Variants in PTCHD1 observed in about 807,000 individuals in gnomAD.
The protein encoded by PTCHD1 is patched domain containing 1, also known as patched domain-containing protein 1.
Under a neutral mutation model 34.6 loss-of-function variants are expected in PTCHD1, and 3 were observed. The observed-to-expected ratio is 0.09, with a 90% CI of 0.04 to 0.22. The LOEUF (loss-of-function observed/expected upper bound fraction) is 0.22, where lower values mean the gene tolerates loss of function less well. Ranked by LOEUF, PTCHD1 falls within the 10% of genes least tolerant of loss-of-function variation. The pLI, the probability that PTCHD1 is intolerant of heterozygous loss-of-function variation, is 1.00. For missense variants in PTCHD1, 504 were observed against 685.5 expected (o/e 0.74, Z 2.96); for synonymous variants, 305 against 283.1 (o/e 1.08, Z -0.77).
chrX:23,373,707 A>G (rs1376812031), intron 1 of PTCHD1, among the ~76,000 whole-genome samples: 2 of 111,972 alleles, frequency 1.8e-5, no homozygotes, highest in Non-Finnish European at 3.8e-5. Context: ...TAATTTATGA[A>G]CTGCTGCAGC....
rs1330285615 is a variant in PTCHD1, at chrX:23,401,938, A to T, written c.*7753A>T. 2 of 112,850 alleles carry T rather than the reference A, an allele frequency of 1.8e-5. No homozygotes were observed. The highest frequency in any genetic ancestry group is 6.4e-5 in the African/African-American group (2 of 31,036). 9.3% of individuals were successfully genotyped at this position (112,850 alleles called of 1,213,427 possible). A position where few individuals can be genotyped will look rare whatever the true frequency, so the allele number is the denominator to read the frequency against. On this transcript the variant is annotated 3_prime_UTR_variant, in exon 3 of 3. Transcript: ENST00000379361. ...AAAATTGCATTTGTTGGAATTTTCC[A>T]AGTCATAAGCAAGAAGAATAGCATA... is the stretch of plus-strand genomic sequence containing the variant.
In PTCHD1 at chrX:23,394,648, A is replaced by G. The variant is rs180979942; in HGVS notation, c.*463A>G. On this transcript the variant is annotated 3_prime_UTR_variant, in exon 3 of 3. Coordinates refer to ENST00000379361, the MANE Select transcript of PTCHD1 (RefSeq NM_173495.3). ...GCTTCCAGAACTTCTGTAGAGCAGT[A>G]GCTCCAGTCATGGTCTGTGGTTTGA... The G allele has an allele frequency of 1.6e-5, 2 of 122,572 alleles. No individual in the cohort carries two copies. The highest frequency in any genetic ancestry group is 6.4e-5 in the African/African-American group (2 of 31,130). The allele number at this position is 122,572 out of a possible 1,213,427, so 10.1% of individuals were successfully genotyped here.
In PTCHD1 at chrX:23,359,563, T is replaced by C. The variant is rs374828565; in HGVS notation, c.352-20028T>C. Reference sequence around the variant, plus strand: ...GAGATTTTGGGCTGAGACGATGGGATTTTATAAATATACAACCATGTCATC... The same window carrying C: ...GAGATTTTGGGCTGAGACGATGGGACTTTATAAATATACAACCATGTCATC... On this transcript the variant is annotated intron_variant, in intron 1 of 2. Transcript: ENST00000379361. Among the ~76,000 whole-genome samples, 6 of 112,199 alleles carry C rather than the reference T, an allele frequency of 5.3e-5. No homozygotes were observed. In the East Asian group the frequency reaches 1.4e-3, roughly 26 times the overall value.
At chrX:23,358,911 C>T (rs147984494) in intron 1 of PTCHD1, among the ~76,000 whole-genome samples, 15,785 of 111,615 alleles carry the variant, frequency 0.14, 925 homozygotes, top group Admixed American at 0.19. Flanking sequence ...GGGAATCCTT[C>T]CCACATTTCT....
At position 23,394,220 on chromosome X, in the gene PTCHD1, T is replaced by TG; in HGVS notation, c.*35_*36insG. 7 of 985,245 alleles carry TG rather than the reference T, an allele frequency of 7.1e-6. No homozygotes were observed. Among genetic ancestry groups the TG allele is most frequent in the Non-Finnish European group, 1.0e-5 (7 of 697,119 alleles). The allele number at this position is 985,245 out of a possible 1,213,427, so 81.2% of individuals were successfully genotyped here. On this transcript the variant is annotated 3_prime_UTR_variant, in exon 3 of 3. Transcript: ENST00000379361. ...CTTGGCATATTTTCACCTTAGGTCTTATCAAGACCAAAGAGATTATGTTAA... is the reference window on the plus strand; with the variant it reads ...CTTGGCATATTTTCACCTTAGGTCTTGATCAAGACCAAAGAGATTATGTTAA...
intron 1 of PTCHD1, among the ~76,000 whole-genome samples, chrX:23,358,562 G>A (rs1487956712): frequency 9.0e-6 from 1 of 111,272 alleles, no homozygotes; most frequent in Middle Eastern, 4.2e-3. Flanking sequence ...TTGTCAGATG[G>A]GTAAATTGCA....
At chrX:23,358,249 G>A (rs1410383725) in intron 1 of PTCHD1, among the ~76,000 whole-genome samples, 1 of 112,074 alleles carries the variant, frequency 8.9e-6, no homozygotes, top group Non-Finnish European at 1.9e-5. Flanking sequence ...CTTCCACAAT[G>A]ATTGAACTAG....
intron 1 of PTCHD1, among the ~76,000 whole-genome samples, chrX:23,366,168 G>A (rs754546491): frequency 3.6e-5 from 4 of 111,859 alleles, no homozygotes; most frequent in African/African-American, 6.5e-5. Context: ...TGACCCCCAC[G>A]GTTCAGACCT....
intron 1 of PTCHD1, among the ~76,000 whole-genome samples, chrX:23,369,368 C>G (rs1296135339): frequency 9.0e-6 from 1 of 111,662 alleles, no homozygotes; most frequent in Non-Finnish European, 1.9e-5. Context: ...AAGCCTAATA[C>G]CAGAAAGCAA....
intron 2 of PTCHD1, among the ~76,000 whole-genome samples, chrX:23,386,925 A>G (rs1328831524): frequency 8.9e-6 from 1 of 112,542 alleles, no homozygotes; most frequent in Non-Finnish European, 1.9e-5. Context: ...TGAGGAACTC[A>G]GGATGAGGAA....
chrX:23,399,466 C>T lies in PTCHD1; in HGVS notation c.*5281C>T, dbSNP rs1183904603. 1 of 111,242 alleles carries T rather than the reference C, an allele frequency of 9.0e-6. No homozygotes were observed. The highest frequency in any genetic ancestry group is 1.9e-5 in the Non-Finnish European group (1 of 53,088). 9.2% of individuals were successfully genotyped at this position (111,242 alleles called of 1,213,427 possible). On this transcript the variant is annotated 3_prime_UTR_variant, in exon 3 of 3. Coordinates refer to ENST00000379361, the MANE Select transcript of PTCHD1 (RefSeq NM_173495.3). ...TGAGGGCTCAGATTCCAAAAGAGGT[C>T]TATGACCGAAAAAGGGTGAAGAACC... is the stretch of plus-strand genomic sequence containing the variant.
intron 1 of PTCHD1, among the ~76,000 whole-genome samples, chrX:23,353,396 G>A (rs1041321706): frequency 8.9e-6 from 1 of 112,539 alleles, no homozygotes; most frequent in South Asian, 3.8e-4. Flanking sequence ...AGACCAGCCT[G>A]ACCAACATGG....
chrX:23,370,582 C>T (rs1264370782), intron 1 of PTCHD1, among the ~76,000 whole-genome samples: 2 of 111,494 alleles, frequency 1.8e-5, no homozygotes, highest in Admixed American at 1.9e-4. Flanking sequence ...GGCTTATGGT[C>T]CATCATTAAG....
chrX:23,346,046 T>C (rs1921468185), intron 1 of PTCHD1, among the ~76,000 whole-genome samples: 1 of 111,564 alleles, frequency 9.0e-6, no homozygotes, highest in Non-Finnish European at 1.9e-5. Flanking sequence ...ACCATGGATG[T>C]CGTTGCTACC....
At chrX:23,366,055 A>G (rs905971896) in intron 1 of PTCHD1, among the ~76,000 whole-genome samples, 1 of 112,466 alleles carries the variant, frequency 8.9e-6, no homozygotes, top group Non-Finnish European at 1.9e-5. Flanking sequence ...CATGGAGCTG[A>G]AAGTTGTCAT....
chrX:23,363,345 A>G (rs1601909119), intron 1 of PTCHD1, among the ~76,000 whole-genome samples: 2 of 112,633 alleles, frequency 1.8e-5, no homozygotes, highest in African/African-American at 6.4e-5. Context: ...TTACCTGCTC[A>G]AGCCTCAGCA....
intron 1 of PTCHD1, among the ~76,000 whole-genome samples, chrX:23,350,717 A>G (rs1921609115): frequency 9.0e-6 from 1 of 111,368 alleles, no homozygotes; most frequent in African/African-American, 3.3e-5. Flanking sequence ...ACAAGATCAG[A>G]AGTGCCAAAG....
intron 1 of PTCHD1, among the ~76,000 whole-genome samples, chrX:23,369,092 A>G (rs1922216631): frequency 1.8e-5 from 2 of 111,981 alleles, no homozygotes; most frequent in South Asian, 3.8e-4. Flanking sequence ...AGACACATAC[A>G]TGATGCAAAA....
rs1053134929 is a variant in PTCHD1, at chrX:23,402,885, T to A, written c.*8700T>A. 8.9e-6 allele frequency: 1 copy of A among 112,671 alleles called. No homozygotes were observed. Among genetic ancestry groups the A allele is most frequent in the African/African-American group, 3.2e-5 (1 of 31,009 alleles). The allele number at this position is 112,671 out of a possible 1,213,427, so 9.3% of individuals were successfully genotyped here. ...AGCAAAGATAATCTCTGCCAATAAT[T>A]ATTAATGACAAAATAGTGATAACTG... is the stretch of plus-strand genomic sequence containing the variant. On this transcript the variant is annotated 3_prime_UTR_variant, in exon 3 of 3. Transcript: ENST00000379361.
Sources: allele counts gnomAD v4.1 joint callset (sites outside exome capture counted in the v4.1 genomes callset), GRCh38; gene constraint gnomAD v4.1.1; transcripts MANE v1.5; gene names NCBI Gene and HGNC (gene_info 2026-07-23, HGNC 2026-07-21).